The following PRKAR1B variants were observed in gnomAD, a reference collection of about 807,000 sequenced individuals.
PRKAR1B encodes protein kinase cAMP-dependent type I regulatory subunit beta.
PRKAR1B carries 22 observed loss-of-function variants against 46.5 expected under a neutral mutation model. The ratio of observed to expected loss-of-function variants is 0.47; its 90% CI spans 0.34 to 0.68. The LOEUF is 0.68. Ranked by LOEUF, PRKAR1B falls within the 30% of genes least tolerant of loss-of-function variation. PRKAR1B has a pLI of 0.01. For missense variants in PRKAR1B, 445 were observed against 535.6 expected (o/e 0.83, Z 1.67); for synonymous variants, 259 against 217.7 (o/e 1.19, Z -1.67).
At chr7:563,339 G>T (rs917850667) in intron 9 of PRKAR1B, among the ~76,000 whole-genome samples, 1 of 152,270 alleles carries the variant, frequency 6.6e-6, no homozygotes, top group Non-Finnish European at 1.5e-5. Flanking sequence ...CCCTCCACAG[G>T]CTGCCTCTGC....
rs746721929 is a variant in PRKAR1B, at chr7:711,470, G to A, written c.36C>T (p.Asp12=). 4 of 1,613,992 alleles carry A rather than the reference G, an allele frequency of 2.5e-6. No individual in the cohort carries two copies. Among genetic ancestry groups the A allele is most frequent in the South Asian group, 1.1e-5 (1 of 91,086 alleles). Residue 12 remains aspartate (D), a synonymous_variant, in exon 2 of 11, where the codon GAC becomes GAT. Transcript: ENST00000537384. ...ACAGCTCACAGCCCTTCAGGCTCTCGTCCTCCTCCGAGGGGCAGGCGGGCG... is the reference window on the plus strand; with the variant it reads ...ACAGCTCACAGCCCTTCAGGCTCTCATCCTCCTCCGAGGGGCAGGCGGGCG... ...ASPPACPSEE[D]ESLKGCELYV...
At chr7:614,112 C>T (rs1407117937) in intron 4 of PRKAR1B, among the ~76,000 whole-genome samples, 1 of 152,222 alleles carries the variant, frequency 6.6e-6, no homozygotes, top group Non-Finnish European at 1.5e-5. Flanking sequence ...GACTCCACGC[C>T]CCGCACGCCC....
chr7:605,380 G>T (rs975109978), intron 6 of PRKAR1B, among the ~76,000 whole-genome samples: 1 of 152,232 alleles, frequency 6.6e-6, no homozygotes, highest in Non-Finnish European at 1.5e-5. Flanking sequence ...GGAGCCCAGC[G>T]GGGGATGAGG....
chr7:596,230 G>A lies in PRKAR1B; in HGVS notation c.624C>T (p.Gly208=), dbSNP rs1583270495. The A allele has an allele frequency of 6.2e-7, 1 of 1,614,018 alleles. No individual in the cohort carries two copies. Among genetic ancestry groups the A allele is most frequent in the East Asian group, 2.2e-5 (1 of 44,884 alleles). ...CTTTCACGGTCGCAGCCCTGGGGGT[G>A]CCGTAGATGAGCGCCAGCTCCCCGA... is the stretch of plus-strand genomic sequence containing the variant. ...GSFGELALIY[G]TPRAATVKAK... The change falls in exon 7 of 11, where the codon GGC becomes GGT. Residue 208 remains glycine (G), a synonymous_variant. Coordinates refer to ENST00000537384, the MANE Select transcript of PRKAR1B (RefSeq NM_001164760.2).
intron 9 of PRKAR1B, among the ~76,000 whole-genome samples, chr7:556,930 G>A (rs1778480382): frequency 6.6e-6 from 1 of 152,174 alleles, no homozygotes; most frequent in Non-Finnish European, 1.5e-5. Context: ...GAGTCCCCGT[G>A]CAAAGCTACC....
intron 1 of PRKAR1B, among the ~76,000 whole-genome samples, chr7:718,559 G>A (rs6945181): frequency 0.48 from 72,777 of 151,410 alleles, 17,636 homozygotes; most frequent in African/African-American, 0.5. Context: ...GTTTGACCAT[G>A]TTGGCCAGGC....
rs146939973 is a variant in PRKAR1B, at chr7:725,454, A to C, written c.-23+1756T>G. On this transcript the variant is annotated intron_variant, in intron 1 of 10. Coordinates refer to ENST00000537384, the MANE Select transcript of PRKAR1B (RefSeq NM_001164760.2). ...TGGGCTCACAGCAACTCCGACTCCA[A>C]GCTGTTTAGGCGCCTCTGTCTCCAC... 2.4e-3 allele frequency among the ~76,000 whole-genome samples: 360 copies of C among 152,322 alleles called. 2 individuals carry two copies. The highest frequency in any genetic ancestry group is 8.2e-3 in the African/African-American group (339 of 41,576).
In PRKAR1B at chr7:685,394, A is replaced by ATG. The variant is rs1554303300; in HGVS notation, c.178-4669_178-4668insCA. Among the ~76,000 whole-genome samples, 2 of 119,300 alleles carry ATG rather than the reference A, an allele frequency of 1.7e-5. 1 individual carries two copies. Among genetic ancestry groups the ATG allele is most frequent in the Non-Finnish European group, 3.5e-5 (2 of 57,856 alleles). The allele number at this position is 119,300 out of a possible 152,430, so 78.3% of individuals were successfully genotyped here. On this transcript the variant is annotated intron_variant, in intron 2 of 10. Coordinates refer to ENST00000537384, the MANE Select transcript of PRKAR1B (RefSeq NM_001164760.2). ...TATATATATATACATACATATATATATATATATGTATATATATACCAAAAA... is the reference window on the plus strand; with the variant it reads ...TATATATATATACATACATATATATATGTATATATGTATATATATACCAAAAA...
chr7:700,426 A>G (rs111658406), intron 2 of PRKAR1B, among the ~76,000 whole-genome samples: 8 of 152,226 alleles, frequency 5.3e-5, no homozygotes, highest in Admixed American at 5.2e-4. Flanking sequence ...TGACAACATA[A>G]TATAGAAAAT....
At chr7:680,837 C>A in intron 2 of PRKAR1B, 111 bp from the exon 3 acceptor site, 1 of 1,286,034 alleles carries the variant, frequency 7.8e-7, no homozygotes. Context: ...GGGAGGATCG[C>A]TTGAACTCAG....
At chr7:662,212 A>C (rs1251928579) in intron 4 of PRKAR1B, among the ~76,000 whole-genome samples, 8 of 35,640 alleles carry the variant, frequency 2.2e-4, no homozygotes, top group East Asian at 8.9e-4. Context: ...ACAGGTCCCC[A>C]CCCCAACGGG....
rs1354833772 is a variant in PRKAR1B, at chr7:593,773, C to A, written c.708+2373G>T. ...GTGCAACTCCTCCCAGGAGGCTGCA[C>A]ATCATCTGTTCTGTGTACTGGAGTA... On this transcript the variant is annotated intron_variant, in intron 7 of 10. Coordinates refer to ENST00000537384, the MANE Select transcript of PRKAR1B (RefSeq NM_001164760.2). The surrounding 1 kb of genome is among the most constrained non-coding windows in gnomAD (Gnocchi z 6.1). Among the ~76,000 whole-genome samples, 1 of 152,168 alleles carries A rather than the reference C, an allele frequency of 6.6e-6. No individual in the cohort carries two copies. The highest frequency in any genetic ancestry group is 1.5e-5 in the Non-Finnish European group (1 of 68,028).
chr7:672,226 T>C (rs1786295631), intron 4 of PRKAR1B, among the ~76,000 whole-genome samples: 1 of 152,100 alleles, frequency 6.6e-6, no homozygotes, highest in African/African-American at 2.4e-5. Flanking sequence ...TCTCGGCTCA[T>C]TGCAATCTCC....
At chr7:646,526 T>C (rs980783935) in intron 4 of PRKAR1B, among the ~76,000 whole-genome samples, 4 of 152,252 alleles carry the variant, frequency 2.6e-5, no homozygotes, top group African/African-American at 9.6e-5. Context: ...CCCGAGCTAA[T>C]GACAGCTCTG....
At chr7:606,350 A>G in intron 5 of PRKAR1B, 111 bp from the exon 6 acceptor site, 1 of 830,440 alleles carries the variant, frequency 1.2e-6, no homozygotes, top group Non-Finnish European at 2.0e-6. Context: ...TCGAAGCAAC[A>G]TCCTGGGTGC....
rs112413656 is a variant in PRKAR1B at position 616,008 on chromosome 7, AAGAGAG to A, written c.441-8562_441-8557del. 1.3e-4 allele frequency among the ~76,000 whole-genome samples: 19 copies of A among 149,396 alleles called. No homozygotes were observed. The South Asian group carries it at 1.3e-3, about 10-fold the overall frequency. On this transcript the variant is annotated intron_variant, in intron 4 of 10. Coordinates refer to ENST00000537384, the MANE Select transcript of PRKAR1B (RefSeq NM_001164760.2). ...AGGGAGAGAGAAAGAAAAAGGAAGA[AAGAGAG>A]AGAGAGAGAGAGAAAGCAGCTGAGG...
Position 593,489 on chromosome 7 carries a change from A to G in PRKAR1B, c.708+2657T>C, listed in dbSNP as rs1159060498. Among the ~76,000 whole-genome samples the G allele has an allele frequency of 6.6e-6, 1 of 152,226 alleles. No individual in the cohort carries two copies. Among genetic ancestry groups the G allele is most frequent in the Non-Finnish European group, 1.5e-5 (1 of 68,036 alleles). On this transcript the variant is annotated intron_variant, in intron 7 of 10. Coordinates refer to ENST00000537384, the MANE Select transcript of PRKAR1B (RefSeq NM_001164760.2). This position sits in a 1 kb window ranked among gnomAD's most constrained non-coding sequence, Gnocchi z 6.1. ...CGCCAGCTCCCTCAGTGGTTTGGGAACTTCCCTGAATATAAGGTTCCAGCC... is the reference window on the plus strand; with the variant it reads ...CGCCAGCTCCCTCAGTGGTTTGGGAGCTTCCCTGAATATAAGGTTCCAGCC...
chr7:586,251 C>T (rs1338054295), intron 7 of PRKAR1B, among the ~76,000 whole-genome samples: 2 of 152,214 alleles, frequency 1.3e-5, no homozygotes, highest in African/African-American at 4.8e-5. Flanking sequence ...ATGGAGGCAG[C>T]CGGCCCCCAA....
Position 560,813 on chromosome 7 carries a change from G to A in PRKAR1B, c.892-9343C>T, listed in dbSNP as rs545610149. On this transcript the variant is annotated intron_variant, in intron 9 of 10. Coordinates refer to ENST00000537384, the MANE Select transcript of PRKAR1B (RefSeq NM_001164760.2). This position sits in a 1 kb window ranked among gnomAD's most constrained non-coding sequence, Gnocchi z 4.2. ...CAAACGGGACAGTCATCATGAGGGC[G>A]GCGGCCATGAGTGAACGTAAGAGTG... Among the ~76,000 whole-genome samples the A allele has an allele frequency of 5.3e-5, 8 of 152,324 alleles. No individual in the cohort carries two copies. The highest frequency in any genetic ancestry group is 4.1e-4 in the South Asian group (2 of 4,826).
Sources: gnomAD v4.1 joint callset for allele counts (sites outside exome capture counted in the v4.1 genomes callset) on GRCh38, gnomAD v4.1.1 for gene constraint, Gnocchi (gnomAD v3.1) non-coding constraint, MANE v1.5 for transcripts, NCBI Gene and HGNC (gene_info 2026-07-23, HGNC 2026-07-21) for gene names.